MNX1: variants seen among roughly 807,000 people sequenced by gnomAD.
MNX1 encodes motor neuron and pancreas homeobox protein 1.
Under a neutral mutation model 17.3 loss-of-function variants are expected in MNX1, and 2 were observed. The observed-to-expected ratio is 0.12, with a 90% CI of 0.05 to 0.36. MNX1 has a LOEUF of 0.36. MNX1 is among the 10% of genes least tolerant of loss of function. MNX1 has a pLI of 1.00. For missense variants in MNX1, 556 were observed against 564.7 expected (o/e 0.98, Z 0.16); for synonymous variants, 306 against 283.1 (o/e 1.08, Z -0.81).
chr7:157,008,727 G>C (rs1486841341), intron 1 of MNX1: 2 of 487,544 alleles, frequency 4.1e-6, no homozygotes, highest in Non-Finnish European at 7.3e-6. Flanking sequence ...TGGGTGTTCG[G>C]CGGCTGAAAG....
Position 157,005,747 on chromosome 7 carries a change from C to T in MNX1, c.979G>A (p.Glu327Lys), listed in dbSNP as rs761778005. 7.5e-6 allele frequency: 12 copies of T among 1,609,370 alleles called. No individual in the cohort carries two copies. The South Asian group carries it at 1.2e-4, about 16-fold the overall frequency. The change falls in exon 3 of 3, where the codon GAG becomes AAG. Residue 327 changes from glutamate (E) to lysine (K), a missense_variant. Physicochemically the swap from Glu to Lys is moderately conservative, Grantham distance 56 (BLOSUM62 1). This residue lies in a region of MNX1 where 178 missense variants were observed against 155.2 expected (regional missense o/e 1.15). Transcript: ENST00000252971. Reference sequence around the variant, plus strand: ...CCCAGCAGCTCCTCGGCTCCCGGCTCCTCCGCGCCGCCCTTCCCCGCGCCC... The same window carrying T: ...CCCAGCAGCTCCTCGGCTCCCGGCTTCTCCGCGCCGCCCTTCCCCGCGCCC... Reference protein sequence around the residue: ...GGGAGKGGAEEPGAEELLGPP... With the variant: ...GGGAGKGGAEKPGAEELLGPP...
Position 157,006,252 on chromosome 7 carries a change from GATC to G in MNX1, c.852+224_852+226del. On this transcript the variant is annotated intron_variant, in intron 2 of 2. Coordinates refer to ENST00000252971, the MANE Select transcript of MNX1 (RefSeq NM_005515.4). The surrounding 1 kb of genome is among the most constrained non-coding windows in gnomAD (Gnocchi z 6.3). ...CAAAATTTCTCGAATGCGGCCTGGG[GATC>G]ACCTTCTTCAGAATGAAAGGAGGGG... 1.7e-6 allele frequency: 1 copy of G among 594,662 alleles called. No individual in the cohort carries two copies. The highest frequency in any genetic ancestry group is 3.0e-6 in the Non-Finnish European group (1 of 337,328). The allele number at this position is 594,662 out of a possible 1,614,324, so 36.8% of individuals were successfully genotyped here.
chr7:157,005,459 C>A lies in MNX1; in HGVS notation c.*61G>T. 2 of 1,190,742 alleles carry A rather than the reference C, an allele frequency of 1.7e-6. No individual in the cohort carries two copies. The highest frequency in any genetic ancestry group is 2.1e-6 in the Non-Finnish European group (2 of 955,408). 73.8% of individuals were successfully genotyped at this position (1,190,742 alleles called of 1,614,324 possible). The stretch of plus-strand genomic sequence containing the variant: ...CGGGTGGGTGCGGGCGCCGGGGCCT[C>A]CGGGAGAAGCCGCCGGCCGGGGCGC... On this transcript the variant is annotated 3_prime_UTR_variant, in exon 3 of 3. Coordinates refer to ENST00000252971, the MANE Select transcript of MNX1 (RefSeq NM_005515.4).
chr7:157,009,985 C>CG lies in MNX1; in HGVS notation c.365dup (p.Ala123GlyfsTer103). The stretch of plus-strand genomic sequence containing the variant: ...CGGCGGCGGCGGCGGCGGCAGCGGC[C>CG]GCTGCGCCCGGATGCGCGTGGTGGT... On this transcript the variant is annotated frameshift_variant, in exon 1 of 3. Coordinates refer to ENST00000252971, the MANE Select transcript of MNX1 (RefSeq NM_005515.4). LOFTEE classifies it high-confidence loss of function. 1.8e-6 allele frequency: 1 copy of CG among 548,258 alleles called. No homozygotes were observed. The highest frequency in any genetic ancestry group is 2.2e-6 in the Non-Finnish European group (1 of 458,724). 34.0% of individuals were successfully genotyped at this position (548,258 alleles called of 1,614,324 possible).
In MNX1 at chr7:157,010,588, C is replaced by A. The variant is rs1805697979; in HGVS notation, c.-238G>T. ...ACAAACTCCCACGCGAGTGCTTCCC[C>A]GCGTCCGGGCCCGGGAGCCCGGTTC... On this transcript the variant is annotated 5_prime_UTR_variant, in exon 1 of 3. Transcript: ENST00000252971. The A allele has an allele frequency of 3.2e-6, 1 of 310,554 alleles. No homozygotes were observed. Among genetic ancestry groups the A allele is most frequent in the Admixed American group, 5.1e-5 (1 of 19,554 alleles). 19.2% of individuals were successfully genotyped at this position (310,554 alleles called of 1,614,324 possible).
rs1268163913 is a variant in MNX1, at chr7:157,006,680, T to G, written c.692-41A>C. ...CAGTGAGGCCCACAGCCGGCTCCGG[T>G]CCTCGCCCCAGCCCCTCCCGTTGCT... On this transcript the variant is annotated intron_variant, in intron 1 of 2. Transcript: ENST00000252971. The surrounding 1 kb of genome is among the most constrained non-coding windows in gnomAD (Gnocchi z 6.3). The G allele has an allele frequency of 1.0e-5, 16 of 1,534,242 alleles. No individual in the cohort carries two copies. Among genetic ancestry groups the G allele is most frequent in the Admixed American group, 2.0e-5 (1 of 50,896 alleles).
In MNX1 at chr7:157,009,796, C is replaced by G. The variant is rs1242665383; in HGVS notation, c.555G>C (p.Ser185=). 6.4e-7 allele frequency: 1 copy of G among 1,566,862 alleles called. No individual in the cohort carries two copies. ...LAGQHPALSY[S]YPQVQGAHPA... is the part of the protein sequence containing the mutation. ...GGTGCGCGCCTTGCACCTGCGGGTA[C>G]GAGTAGGAGAGCGCCGGGTGCTGGC... The change falls in exon 1 of 3, where the codon TCG becomes TCC. Residue 185 remains serine (S), a synonymous_variant. Coordinates refer to ENST00000252971, the MANE Select transcript of MNX1 (RefSeq NM_005515.4).
rs1485109022 is a variant in MNX1, at chr7:157,009,914, G to A, written c.437C>T (p.Ala146Val). Residue 146 changes from alanine (A) to valine (V), a missense_variant, in exon 1 of 3, where the codon GCG becomes GTG. Around this residue, in one of 7 missense-constraint regions of MNX1, gnomAD observed 210 missense variants for 211.3 expected, o/e 0.99. Coordinates refer to ENST00000252971, the MANE Select transcript of MNX1 (RefSeq NM_005515.4). ...GLALGLHPGG[A>V]QGGAGLPAQA... ...CGCCGGGAGGCCCGCGCCGCCCTGC[G>A]CGCCCCCAGGGTGCAGCCCCAGCGC... 1.5e-6 allele frequency: 2 copies of A among 1,294,276 alleles called. No individual in the cohort carries two copies. Among genetic ancestry groups the A allele is most frequent in the Non-Finnish European group, 2.0e-6 (2 of 1,021,864 alleles). The allele number at this position is 1,294,276 out of a possible 1,614,324, so 80.2% of individuals were successfully genotyped here.
Position 157,006,487 on chromosome 7 carries a change from C to G in MNX1, c.844G>C (p.Glu282Gln). 1 of 1,610,554 alleles carries G rather than the reference C, an allele frequency of 6.2e-7. No individual in the cohort carries two copies. Among genetic ancestry groups the G allele is most frequent in the South Asian group, 1.1e-5 (1 of 90,264 alleles). The change falls in exon 2 of 3, where the codon GAG becomes CAG. Residue 282 changes from glutamate (E) to glutamine (Q), a missense_variant. This residue lies in a region of MNX1 where 210 missense variants were observed against 211.3 expected (regional missense o/e 0.99). Transcript: ENST00000252971. The surrounding 1 kb of genome is among the most constrained non-coding windows in gnomAD (Gnocchi z 6.3). ...GCGGGGAGGGCGCGCACCTGGGTCTCGGTGAGCATGAGCGAGGTGGCCACC... is the reference window on the plus strand; with the variant it reads ...GCGGGGAGGGCGCGCACCTGGGTCTGGGTGAGCATGAGCGAGGTGGCCACC... ...FEVATSLMLT[E>Q]TQVKIWFQNR...
intron 1 of MNX1, chr7:157,008,339 C>G (rs1339984778): frequency 6.6e-6 from 1 of 152,314 alleles, no homozygotes; most frequent in Non-Finnish European, 1.5e-5. Flanking sequence ...TGGGTTTAAG[C>G]CCAGGCTGGC....
At position 157,010,095 on chromosome 7, in the gene MNX1, C is replaced by G; in HGVS notation, c.256G>C (p.Ala86Pro). ...ESPSPPRLLA[A>P]HCALLPKPGF... ...GGCTTGGGCAGCAGCGCGCAGTGCG[C>G]GGCCAGCAGGCGCGGCGGCGACGGG... Residue 86 changes from alanine (A) to proline (P), a missense_variant, in exon 1 of 3, where the codon GCG becomes CCG. Physicochemically the swap from Ala to Pro is conservative, Grantham distance 27. Around this residue, in one of 7 missense-constraint regions of MNX1, gnomAD observed 115 missense variants for 103.5 expected, o/e 1.11. Transcript: ENST00000252971. 1.0e-6 allele frequency: 1 copy of G among 985,066 alleles called. No homozygotes were observed. The highest frequency in any genetic ancestry group is 1.2e-6 in the Non-Finnish European group (1 of 831,604). 61.0% of individuals were successfully genotyped at this position (985,066 alleles called of 1,614,324 possible). A position where few individuals can be genotyped will look rare whatever the true frequency, so the allele number is the denominator to read the frequency against.
Position 157,009,792 on chromosome 7 carries a change from G to A in MNX1, c.559C>T (p.Pro187Ser). 6.4e-7 allele frequency: 1 copy of A among 1,572,146 alleles called. No individual in the cohort carries two copies. Among genetic ancestry groups the A allele is most frequent in the South Asian group, 1.1e-5 (1 of 87,620 alleles). The change falls in exon 1 of 3, where the codon CCG becomes TCG. Residue 187 changes from proline (P) to serine (S), a missense_variant. This residue lies in a region of MNX1 where 210 missense variants were observed against 211.3 expected (regional missense o/e 0.99). Coordinates refer to ENST00000252971, the MANE Select transcript of MNX1 (RefSeq NM_005515.4). ...GCGGGGTGCGCGCCTTGCACCTGCGGGTACGAGTAGGAGAGCGCCGGGTGC... is the reference window on the plus strand; with the variant it reads ...GCGGGGTGCGCGCCTTGCACCTGCGAGTACGAGTAGGAGAGCGCCGGGTGC... ...GQHPALSYSY[P>S]QVQGAHPAHP...
At position 157,005,496 on chromosome 7, in the gene MNX1, C is replaced by G; in HGVS notation, c.*24G>C. 9.7e-6 allele frequency: 13 copies of G among 1,339,712 alleles called. No individual in the cohort carries two copies. Among genetic ancestry groups the G allele is most frequent in the Non-Finnish European group, 1.2e-5 (13 of 1,052,944 alleles). 83.0% of individuals were successfully genotyped at this position (1,339,712 alleles called of 1,614,324 possible). On this transcript the variant is annotated 3_prime_UTR_variant, in exon 3 of 3. Coordinates refer to ENST00000252971, the MANE Select transcript of MNX1 (RefSeq NM_005515.4). ...GCCGGCCGGGGCGCTCCGTGCGCGC[C>G]GCACCTGCTGGGCCGCGGGGCTCCT...
At position 157,006,749 on chromosome 7, in the gene MNX1, C is replaced by T. The variant is rs1343254809; in HGVS notation, c.692-110G>A. On this transcript the variant is annotated intron_variant, in intron 1 of 2. Transcript: ENST00000252971. This position sits in a 1 kb window ranked among gnomAD's most constrained non-coding sequence, Gnocchi z 6.3. ...AAGGCCCCAGCGCCAAGGCCTGGCC[C>T]TGCAGAGGGCGGGGCTGTTCCCTCA... 1 of 1,223,826 alleles carries T rather than the reference C, an allele frequency of 8.2e-7. No individual in the cohort carries two copies. Among genetic ancestry groups the T allele is most frequent in the African/African-American group, 1.5e-5 (1 of 66,138 alleles). The allele number at this position is 1,223,826 out of a possible 1,614,324, so 75.8% of individuals were successfully genotyped here.
rs1161804588 is a variant in MNX1, at chr7:157,009,743, A to T, written c.608T>A (p.Leu203Gln). ...HPAHPADPIK[L>Q]GAGTFQLDQW... Reference sequence around the variant, plus strand: ...GTCCAGCTGGAAGGTGCCGGCGCCCAGCTTGATGGGGTCGGCGGGGTGCGC... The same window carrying T: ...GTCCAGCTGGAAGGTGCCGGCGCCCTGCTTGATGGGGTCGGCGGGGTGCGC... The change falls in exon 1 of 3, where the codon CTG (leucine) becomes CAG (glutamine). Residue 203 changes from leucine (L) to glutamine (Q), a missense_variant. By Grantham distance (113) the Leu-to-Gln change is moderately radical. Coordinates refer to ENST00000252971, the MANE Select transcript of MNX1 (RefSeq NM_005515.4). The T allele has an allele frequency of 6.2e-7, 1 of 1,607,090 alleles. No homozygotes were observed. The highest frequency in any genetic ancestry group is 1.1e-5 in the South Asian group (1 of 90,728).
At chr7:157,008,739 G>C in intron 1 of MNX1, 2 of 506,706 alleles carry the variant, frequency 3.9e-6, no homozygotes, top group Non-Finnish European at 7.0e-6. Flanking sequence ...GGCTGAAAGC[G>C]TTGAGCCATA....
At position 157,005,315 on chromosome 7, in the gene MNX1, T is replaced by G. The variant is rs1805569319; in HGVS notation, c.*205A>C. ...CTCTCGCTGTTTCTTGAAGAGCAGG[T>G]GAGGCGCCCTTGCTTAAAAGGGAAG... On this transcript the variant is annotated 3_prime_UTR_variant, in exon 3 of 3. Transcript: ENST00000252971. 3.5e-6 allele frequency: 1 copy of G among 285,416 alleles called. No individual in the cohort carries two copies. The highest frequency in any genetic ancestry group is 6.4e-6 in the Non-Finnish European group (1 of 155,262). 17.7% of individuals were successfully genotyped at this position (285,416 alleles called of 1,614,324 possible).
Position 157,010,318 on chromosome 7 carries a change from G to C in MNX1, c.33C>G (p.Ala11=), listed in dbSNP as rs1249707555. The change falls in exon 1 of 3, where the codon GCC becomes GCG. Residue 11 remains alanine (A), a synonymous_variant. Transcript: ENST00000252971. MEKSKNFRID[A]LLAVDPPRAA... ...CTCGTGGGGGGTCCACCGCCAGCAG[G>C]GCGTCGATGCGGAAATTTTTGGATT... 15 of 1,582,544 alleles carry C rather than the reference G, an allele frequency of 9.5e-6. No homozygotes were observed. The highest frequency in any genetic ancestry group is 1.3e-5 in the Non-Finnish European group (15 of 1,165,460).
In MNX1 at chr7:157,009,006, G is replaced by T. The variant is rs78596384; in HGVS notation, c.691+654C>A. On this transcript the variant is annotated intron_variant, in intron 1 of 2. Transcript: ENST00000252971. ...GGAGGGGCATTCGTTACCTTGTTGGGCGCCCAGGATTCCAGGGCAGGCACC... is the reference window on the plus strand; with the variant it reads ...GGAGGGGCATTCGTTACCTTGTTGGTCGCCCAGGATTCCAGGGCAGGCACC... 36,007 of 1,537,042 alleles carry T rather than the reference G, an allele frequency of 0.023. 659 individuals carry two copies. Among genetic ancestry groups the T allele is most frequent in the East Asian group, 0.1 (4,175 of 40,902 alleles).
Sources: allele counts gnomAD v4.1 joint callset, GRCh38; gene constraint gnomAD v4.1.1; regional missense constraint gnomAD v4.1.1; non-coding constraint Gnocchi (gnomAD v3.1); transcripts MANE v1.5; gene names NCBI Gene and HGNC (gene_info 2026-07-23, HGNC 2026-07-21).